Variants in PAX8 observed in about 807,000 individuals in gnomAD.
The protein encoded by PAX8 is paired box protein Pax-8.
Under a neutral mutation model 52.4 loss-of-function variants are expected in PAX8, and 15 were observed. The ratio of observed to expected loss-of-function variants is 0.29; its 90% CI spans 0.19 to 0.44. The LOEUF (loss-of-function observed/expected upper bound fraction) is 0.44. PAX8 is among the 20% of genes least tolerant of loss of function. PAX8 has a pLI of 1.00. For synonymous variants in PAX8, 284 were observed against 249.7 expected (o/e 1.14, Z -1.29); for missense variants, 554 against 602.5 (o/e 0.92, Z 0.84).
chr2:113,229,348 A>G (rs1260392728), intron 9 of PAX8, among the ~76,000 whole-genome samples: 2 of 152,250 alleles, frequency 1.3e-5, no homozygotes, highest in Non-Finnish European at 2.9e-5. Context: ...ATTCAGAGCC[A>G]GGGTTTCATG....
intron 6 of PAX8, 54 bp from the exon 7 acceptor site, chr2:113,241,780 C>A: frequency 6.3e-7 from 1 of 1,594,766 alleles, no homozygotes; most frequent in South Asian, 1.1e-5. Flanking sequence ...TATTCATGCT[C>A]TAGGCCAAAG....
At chr2:113,254,972 T>A (rs1692089931) in intron 2 of PAX8, among the ~76,000 whole-genome samples, 1 of 150,746 alleles carries the variant, frequency 6.6e-6, no homozygotes. Context: ...ATAGTCTCAG[T>A]AAGCAGAATA....
At chr2:113,234,623 C>A (rs773371725) in intron 9 of PAX8, among the ~76,000 whole-genome samples, 4 of 152,198 alleles carry the variant, frequency 2.6e-5, no homozygotes, top group Non-Finnish European at 4.4e-5. Context: ...TGGGTTCAAG[C>A]GATTCTCCTG....
intron 10 of PAX8, among the ~76,000 whole-genome samples, chr2:113,222,428 A>T (rs1689324595): frequency 6.6e-6 from 1 of 152,232 alleles, no homozygotes; most frequent in African/African-American, 2.4e-5. Context: ...CCTCAGTCAC[A>T]TGGAACCTGG....
intron 9 of PAX8, among the ~76,000 whole-genome samples, chr2:113,231,328 T>C (rs1477590421): frequency 6.6e-6 from 1 of 152,208 alleles, no homozygotes; most frequent in African/African-American, 2.4e-5. Flanking sequence ...GCCTCGACAT[T>C]GCTGTCTTGG....
intron 2 of PAX8, among the ~76,000 whole-genome samples, chr2:113,277,807 G>C (rs1693930197): frequency 1.3e-5 from 2 of 152,184 alleles, no homozygotes; most frequent in Non-Finnish European, 2.9e-5. Context: ...CCCCGCGCGC[G>C]GCGCCCGGCC....
chr2:113,247,212 A>G (rs1405187222), intron 2 of PAX8, among the ~76,000 whole-genome samples: 3 of 151,974 alleles, frequency 2.0e-5, no homozygotes, highest in Admixed American at 6.6e-5. Flanking sequence ...ACAATCCCCT[A>G]TTTTCTTCCC....
At chr2:113,241,481 G>C (rs1463245273) in intron 7 of PAX8, 70 bp downstream of exon 7, 1 of 1,447,704 alleles carries the variant, frequency 6.9e-7, no homozygotes, top group East Asian at 2.5e-5. Context: ...TGGAGCACAG[G>C]CTCATTTGGA....
intron 10 of PAX8, among the ~76,000 whole-genome samples, chr2:113,222,210 C>G (rs1009946198): frequency 6.6e-6 from 1 of 152,182 alleles, no homozygotes; most frequent in Non-Finnish European, 1.5e-5. Context: ...ACTCAGGTCT[C>G]CCGGGTTTCA....
At chr2:113,255,351 A>T (rs67237254) in intron 2 of PAX8, 28,213 of 132,476 alleles carry the variant, frequency 0.21, 4,392 homozygotes, top group African/African-American at 0.37. Context: ...AGTGAAGCCC[A>T]CACCTTCTTT....
At chr2:113,278,300 C>T in intron 2 of PAX8, 70 bp downstream of exon 2, 2 of 1,259,584 alleles carry the variant, frequency 1.6e-6, no homozygotes, top group Non-Finnish European at 2.3e-6. Flanking sequence ...CGAGATCCAA[C>T]CACCCGAGCG....
intron 10 of PAX8, chr2:113,225,564 CAGTGTCCT>C (rs1202074415): frequency 2.6e-5 from 4 of 152,198 alleles, no homozygotes; most frequent in Admixed American, 2.6e-4. Flanking sequence ...CACTTGCAGT[CAGTGTCCT>C]AGTTGTGCTA....
At chr2:113,255,994 T>TAAAAAA in intron 2 of PAX8, among the ~76,000 whole-genome samples, 1 of 135,310 alleles carries the variant, frequency 7.4e-6, no homozygotes, top group Non-Finnish European at 1.6e-5. Context: ...GCTCAATCAG[T>TAAAAAA]AAAAAAAAAA....
intron 4 of PAX8, among the ~76,000 whole-genome samples, 156 bp downstream of exon 4, chr2:113,244,271 T>C (rs943203553): frequency 6.6e-6 from 1 of 152,132 alleles, no homozygotes; most frequent in Non-Finnish European, 1.5e-5. Flanking sequence ...AGGTATGATA[T>C]CTGCCTGGAG....
At chr2:113,272,813 T>A (rs1040060631) in intron 2 of PAX8, 6 of 152,194 alleles carry the variant, frequency 3.9e-5, no homozygotes, top group Non-Finnish European at 8.8e-5. Flanking sequence ...CTACACCCTC[T>A]AAGAGAAGAT....
Position 113,257,695 on chromosome 2 carries a change from A to C in PAX8, c.26-10776T>G, listed in dbSNP as rs184511519. ...CGTATTTCACCAATGCTGGACCTAA[A>C]AGAAGAGGAAGTGGGGGAAGGAGGG... On this transcript the variant is annotated intron_variant, in intron 2 of 11. Coordinates refer to ENST00000429538, the MANE Select transcript of PAX8 (RefSeq NM_003466.4). Among the ~76,000 whole-genome samples, 53 of 152,270 alleles carry C rather than the reference A, an allele frequency of 3.5e-4. 1 individual carries two copies. The highest frequency in any genetic ancestry group is 1.2e-3 in the African/African-American group (50 of 41,542).
At chr2:113,232,393 C>G (rs1689951182) in intron 9 of PAX8, among the ~76,000 whole-genome samples, 1 of 152,214 alleles carries the variant, frequency 6.6e-6, no homozygotes, top group Admixed American at 6.5e-5. Flanking sequence ...AATTGTCAAC[C>G]CTTGGGCTAG....
In PAX8 at chr2:113,227,212, T is replaced by C. The variant is rs987150264; in HGVS notation, c.1132A>G (p.Ile378Val). The change falls in exon 10 of 12, where the codon ATC (isoleucine) becomes GTC (valine). Residue 378 changes from isoleucine (I) to valine (V), a missense_variant. Coordinates refer to ENST00000429538, the MANE Select transcript of PAX8 (RefSeq NM_003466.4). ...TAGCTGCCCTGTCCGCTGGTGGGGA[T>C]GTGGGGTGGGTATCCGGGCAGCGTG... ...GPTLPGYPPH[I>V]PTSGQGSYAS... 3 of 1,611,324 alleles carry C rather than the reference T, an allele frequency of 1.9e-6. No individual in the cohort carries two copies. The highest frequency in any genetic ancestry group is 2.5e-6 in the Non-Finnish European group (3 of 1,179,132).
intron 2 of PAX8, among the ~76,000 whole-genome samples, chr2:113,247,315 G>A (rs1691410562): frequency 6.6e-6 from 1 of 151,722 alleles, no homozygotes; most frequent in African/African-American, 2.4e-5. Context: ...CTTCTCTTCT[G>A]AGAGTCTCTT....
Sources: allele counts gnomAD v4.1 joint callset (sites outside exome capture counted in the v4.1 genomes callset), GRCh38; gene constraint gnomAD v4.1.1; transcripts MANE v1.5; gene names NCBI Gene and HGNC (gene_info 2026-07-23, HGNC 2026-07-21).